ASPM: variants seen among roughly 807,000 people sequenced by gnomAD.
ASPM encodes assembly factor for spindle microtubules.
Under a neutral mutation model 366.4 loss-of-function variants are expected in ASPM, and 256 were observed. The ratio of observed to expected loss-of-function variants is 0.70; its 90% CI spans 0.63 to 0.77. The LOEUF (loss-of-function observed/expected upper bound fraction) is 0.77. ASPM is among the 30% of genes least tolerant of loss of function. The pLI, the probability that ASPM is intolerant of heterozygous loss-of-function variation, is 0.00. For synonymous variants in ASPM, 1,414 were observed against 1,342.9 expected, an observed-to-expected ratio of 1.05 and a Z score of -1.16; for missense variants, 4,146 against 4,090.4, an observed-to-expected ratio of 1.01 and a Z score of -0.37.
At position 197,125,737 on chromosome 1, in the gene ASPM, T is replaced by C. The variant is rs184528857; in HGVS notation, c.2937-546A>G. 8.4e-4 allele frequency among the ~76,000 whole-genome samples: 127 copies of C among 151,940 alleles called. 1 individual carries two copies. The highest frequency in any genetic ancestry group is 6.8e-3 in the Middle Eastern group (2 of 292). On this transcript the variant is annotated intron_variant, in intron 10 of 27. Transcript: ENST00000367409. ...TTTTACTTGTTTCCACAGTAATTCCTATATATATATAAAAATATATGTATA... is the reference window on the plus strand; with the variant it reads ...TTTTACTTGTTTCCACAGTAATTCCCATATATATATAAAAATATATGTATA...
chr1:197,118,415 G>A (rs1657804032), intron 16 of ASPM, among the ~76,000 whole-genome samples: 1 of 152,000 alleles, frequency 6.6e-6, no homozygotes, highest in African/African-American at 2.4e-5. Context: ...ACACTAAAGG[G>A]GAGAAACAAA....
chr1:197,139,510 C>T (rs571461166), intron 4 of ASPM, among the ~76,000 whole-genome samples: 1 of 152,316 alleles, frequency 6.6e-6, no homozygotes, highest in South Asian at 2.1e-4. Context: ...ATGCTAGAAA[C>T]ATCAGTTATT....
intron 17 of ASPM, among the ~76,000 whole-genome samples, chr1:197,111,836 T>A (rs895354791): frequency 1.3e-5 from 2 of 152,092 alleles, no homozygotes; most frequent in African/African-American, 4.8e-5. Context: ...TCAATCATAA[T>A]GGCTATTACT....
chr1:197,129,942 G>A lies in ASPM; in HGVS notation c.2602C>T (p.Pro868Ser). Residue 868 changes from proline (P) to serine (S), a missense_variant, in exon 8 of 28, where the codon CCC (proline) becomes TCC (serine). This residue lies in a region of ASPM where 3,624 missense variants were observed against 3,591.7 expected (regional missense o/e 1.01). Coordinates refer to ENST00000367409, the MANE Select transcript of ASPM (RefSeq NM_018136.5). The stretch of plus-strand genomic sequence containing the variant: ...TCTCTATACAGGTGAGGAACAGTGG[G>A]GTGTCTATACTCAGCTGCTATATCA... ...NPDIAAEYRH[P>S]TVPHLYRDGH... 1 of 1,613,922 alleles carries A rather than the reference G, an allele frequency of 6.2e-7. No homozygotes were observed. Among genetic ancestry groups the A allele is most frequent in the Non-Finnish European group, 8.5e-7 (1 of 1,179,870 alleles).
chr1:197,135,623 CTTTTTTTTTTTTT>C (rs778898963), intron 4 of ASPM, among the ~76,000 whole-genome samples: 23 of 69,820 alleles, frequency 3.3e-4, no homozygotes, highest in African/African-American at 1.2e-3. Context: ...AAATATCTGT[CTTTTTTTTTTTTT>C]TTTTTTTTTT....
chr1:197,136,965 G>A (rs1408883727), intron 4 of ASPM, among the ~76,000 whole-genome samples: 1 of 151,968 alleles, frequency 6.6e-6, no homozygotes, highest in Non-Finnish European at 1.5e-5. Context: ...AAAATGTTCT[G>A]TTAGCATGAA....
rs144323054 is a variant in ASPM at position 197,091,772 on chromosome 1, T to C, written c.9444+135A>G. ...CAATCTATTTCTAACCCTCAAATCA[T>C]TGTAACAGCTATAAGGTGAAAGGCT... On this transcript the variant is annotated intron_variant, in intron 22 of 27. Transcript: ENST00000367409. 1.3e-3 allele frequency: 1,168 copies of C among 880,428 alleles called. 4 individuals carry two copies. The highest frequency in any genetic ancestry group is 7.1e-3 in the African/African-American group (420 of 58,966). The allele number at this position is 880,428 out of a possible 1,614,324, so 54.5% of individuals were successfully genotyped here.
chr1:197,143,170 A>C lies in ASPM; in HGVS notation c.1082T>G (p.Ile361Ser). 1 of 1,613,524 alleles carries C rather than the reference A, an allele frequency of 6.2e-7. No homozygotes were observed. Among genetic ancestry groups the C allele is most frequent in the Non-Finnish European group, 8.5e-7 (1 of 1,179,650 alleles). Residue 361 changes from isoleucine (I) to serine (S), a missense_variant, in exon 3 of 28, where the codon ATT (isoleucine) becomes AGT (serine). Transcript: ENST00000367409. ...ATCTGGACTTAAAATTTTCTGATAAATTTCATGTGCAATTGTTGATTCCAA... is the reference window on the plus strand; with the variant it reads ...ATCTGGACTTAAAATTTTCTGATAACTTTCATGTGCAATTGTTGATTCCAA... ...VHLESTIAHE[I>S]YQKILSPDSF...
At position 197,143,593 on chromosome 1, in the gene ASPM, G is replaced by A. The variant is rs749422547; in HGVS notation, c.659C>T (p.Pro220Leu). The A allele has an allele frequency of 1.2e-6, 2 of 1,612,876 alleles. No individual in the cohort carries two copies. Among genetic ancestry groups the A allele is most frequent in the Non-Finnish European group, 8.5e-7 (1 of 1,179,878 alleles). Residue 220 changes from proline to leucine, a missense_variant, in exon 3 of 28, where the codon CCC (proline) becomes CTC (leucine). Physicochemically the swap from Pro to Leu is moderately conservative, Grantham distance 98. This residue lies in a region of ASPM where 512 missense variants were observed against 471.7 expected (regional missense o/e 1.09). Transcript: ENST00000367409. Reference sequence around the variant, plus strand: ...GAAAGCAGGGCTAATAGGTGATATGGGTATTTTATTTTCTTCAAGTATTAA... The same window carrying A: ...GAAAGCAGGGCTAATAGGTGATATGAGTATTTTATTTTCTTCAAGTATTAA... ...NSLILEENKIPISPISPAFNE... is the reference protein window; with the variant it reads ...NSLILEENKILISPISPAFNE...
Position 197,139,831 on chromosome 1 carries a change from T to G in ASPM, c.1962A>C (p.Lys654Asn). ...IFRTPISKTN[K>N]RTKPIIAVAQ... is the part of the protein sequence containing the mutation. ...CCACAGCGATAATGGGTTTTGTCCT[T>G]TTGTTTGTTTTAGAAATTGGAGTTC... Residue 654 changes from lysine (K) to asparagine (N), a missense_variant, in exon 4 of 28, where the codon AAA becomes AAC. Around this residue, in one of 3 missense-constraint regions of ASPM, gnomAD observed 3,624 missense variants for 3,591.7 expected, o/e 1.01. Transcript: ENST00000367409. 1.9e-6 allele frequency: 3 copies of G among 1,612,068 alleles called. No individual in the cohort carries two copies. Among genetic ancestry groups the G allele is most frequent in the Non-Finnish European group, 2.5e-6 (3 of 1,178,192 alleles).
intron 17 of ASPM, among the ~76,000 whole-genome samples, chr1:197,109,744 GT>G (rs565638672): frequency 5.9e-5 from 9 of 151,884 alleles, no homozygotes; most frequent in African/African-American, 1.9e-4. Context: ...AAATAAGTGA[GT>G]TTTTTTAACA....
intron 3 of ASPM, 28 bp downstream of exon 3, chr1:197,142,303 T>G: frequency 1.9e-6 from 3 of 1,607,548 alleles, no homozygotes; most frequent in Non-Finnish European, 1.7e-6. Context: ...ACAGGTATAC[T>G]TCAGTAGATT....
At position 197,104,981 on chromosome 1, in the gene ASPM, TTGA is replaced by T; in HGVS notation, c.4267_4269del (p.Ser1423del). 6.2e-7 allele frequency: 1 copy of T among 1,611,640 alleles called. No individual in the cohort carries two copies. Among genetic ancestry groups the T allele is most frequent in the African/African-American group, 1.3e-5 (1 of 74,914 alleles). ...CTGAACATAGATTGGATTATAAGAG[TTGA>T]TGATTTTAGCATTTCATATCTTTGT... On this transcript the variant is annotated inframe_deletion, in exon 18 of 28. Coordinates refer to ENST00000367409, the MANE Select transcript of ASPM (RefSeq NM_018136.5).
At position 197,084,164 on chromosome 1, in the gene ASPM, C is replaced by A; in HGVS notation, c.*160G>T. The A allele has an allele frequency of 1.6e-6, 1 of 620,034 alleles. No individual in the cohort carries two copies. The highest frequency in any genetic ancestry group is 2.8e-6 in the Non-Finnish European group (1 of 351,982). The allele number at this position is 620,034 out of a possible 1,614,324, so 38.4% of individuals were successfully genotyped here. On this transcript the variant is annotated 3_prime_UTR_variant, in exon 28 of 28. Coordinates refer to ENST00000367409, the MANE Select transcript of ASPM (RefSeq NM_018136.5). ...ATATTAGTTTATTACATGCATAAAA[C>A]TATAAATGATAAAAATGAAGAATGT...
In ASPM at chr1:197,102,294, C is replaced by T. The variant is rs561930237; in HGVS notation, c.6957G>A (p.Gln2319=). The change falls in exon 18 of 28, where the codon CAG becomes CAA. Residue 2319 remains glutamine (Q), a synonymous_variant. Transcript: ENST00000367409. ...LQVQNAVIKI[Q]SSYRRWMIRK... ...TTATCATCCATCTTCTGTATGATGACTGGATTTTAATAACTGCATTTTGTA... is the reference window on the plus strand; with the variant it reads ...TTATCATCCATCTTCTGTATGATGATTGGATTTTAATAACTGCATTTTGTA... 8 of 1,612,738 alleles carry T rather than the reference C, an allele frequency of 5.0e-6. No homozygotes were observed. In the South Asian group the frequency reaches 5.5e-5, roughly 11 times the overall value.
In ASPM at chr1:197,093,298, GA is replaced by G. The variant is rs778992941; in HGVS notation, c.9085-38del. The G allele has an allele frequency of 3.9e-6, 6 of 1,524,350 alleles. No homozygotes were observed. The African/African-American group carries it at 8.2e-5, about 21-fold the overall frequency. 94.4% of individuals were successfully genotyped at this position (1,524,350 alleles called of 1,614,324 possible). A position where few individuals can be genotyped will look rare whatever the true frequency, so the allele number is the denominator to read the frequency against. ...AATTTACAAGTAACATTAATGGGTA[GA>G]AAGAAAAAGATTTCCAACCCACTAG... On this transcript the variant is annotated intron_variant, in intron 20 of 27. Coordinates refer to ENST00000367409, the MANE Select transcript of ASPM (RefSeq NM_018136.5).
chr1:197,144,088 T>C lies in ASPM; in HGVS notation c.310A>G (p.Ile104Val). The change falls in exon 2 of 28, where the codon ATT becomes GTT. Residue 104 changes from isoleucine to valine, a missense_variant. Physicochemically the swap from Ile to Val is conservative, Grantham distance 29. This residue lies in a region of ASPM where 512 missense variants were observed against 471.7 expected (regional missense o/e 1.09). Transcript: ENST00000367409. ...RCFVLQPKEK[I>V]VISVNWTPLK... ...GGTGTCCAGTTAACAGAAATAACAA[T>C]TTTCTCTTTAGGCTATAATCAAAAC... is the stretch of plus-strand genomic sequence containing the variant. 2 of 1,603,998 alleles carry C rather than the reference T, an allele frequency of 1.2e-6. No individual in the cohort carries two copies. The highest frequency in any genetic ancestry group is 1.7e-6 in the Non-Finnish European group (2 of 1,171,296).
Position 197,100,498 on chromosome 1 carries a change from G to A in ASPM, c.8753C>T (p.Ala2918Val). 3 of 1,608,282 alleles carry A rather than the reference G, an allele frequency of 1.9e-6. No individual in the cohort carries two copies. Among genetic ancestry groups the A allele is most frequent in the Non-Finnish European group, 2.5e-6 (3 of 1,176,522 alleles). ...QIRSSVIIIQ[A>V]RSKGFIQKRK... ...TTTCTGTATAAATCCTTTACTTCTAGCTTGAATAATGATAACACTGCTTCT... is the reference window on the plus strand; with the variant it reads ...TTTCTGTATAAATCCTTTACTTCTAACTTGAATAATGATAACACTGCTTCT... The change falls in exon 18 of 28, where the codon GCT (alanine) becomes GTT (valine). Residue 2918 changes from alanine (A) to valine (V), a missense_variant. Ala to Val is a moderately conservative substitution (Grantham distance 64). Coordinates refer to ENST00000367409, the MANE Select transcript of ASPM (RefSeq NM_018136.5).
Position 197,101,590 on chromosome 1 carries a change from T to G in ASPM, c.7661A>C (p.His2554Pro). The G allele has an allele frequency of 6.2e-7, 1 of 1,610,128 alleles. No homozygotes were observed. The highest frequency in any genetic ancestry group is 8.5e-7 in the Non-Finnish European group (1 of 1,178,892). Residue 2554 changes from histidine to proline, a missense_variant, in exon 18 of 28, where the codon CAC becomes CCC. By Grantham distance (77) the His-to-Pro change is moderately conservative. Transcript: ENST00000367409. ...MKARQLLREK[H>P]KASIVIQSTY... is the part of the protein sequence containing the mutation. ...GCTTTGTATTACGATAGAAGCTTTGTGTTTTTCCCTTAAAAGTTGTCTTGC... is the reference window on the plus strand; with the variant it reads ...GCTTTGTATTACGATAGAAGCTTTGGGTTTTTCCCTTAAAAGTTGTCTTGC...
Sources: gnomAD v4.1 joint callset for allele counts (sites outside exome capture counted in the v4.1 genomes callset) on GRCh38, gnomAD v4.1.1 for gene constraint, gnomAD v4.1.1 regional missense constraint, MANE v1.5 for transcripts, NCBI Gene and HGNC (gene_info 2026-07-23, HGNC 2026-07-21) for gene names.